FMN1: variants seen among roughly 807,000 people sequenced by gnomAD.
FMN1 encodes the protein formin 1, also known as formin-1.
Under a neutral mutation model 132.4 loss-of-function variants are expected in FMN1, and 110 were observed. The observed-to-expected ratio is 0.83, with a 90% CI of 0.71 to 0.97. FMN1 has a LOEUF of 0.97. Ranked by LOEUF, FMN1 falls within the 50% of genes least tolerant of loss-of-function variation. The pLI is 0.00. For synonymous variants in FMN1, 722 were observed against 651.7 expected, an observed-to-expected ratio of 1.11 and a Z score of -1.64; for missense variants, 1,792 against 1,705.3, an observed-to-expected ratio of 1.05 and a Z score of -0.90.
chr15:32,843,351 C>T (rs2058787758), intron 17 of FMN1, among the ~76,000 whole-genome samples: 1 of 152,190 alleles, frequency 6.6e-6, no homozygotes, highest in Non-Finnish European at 1.5e-5. Context: ...TCACATGAAG[C>T]TCAGACCAAT....
At chr15:32,810,480 C>T (rs2057835932) in intron 17 of FMN1, among the ~76,000 whole-genome samples, 2 of 152,178 alleles carry the variant, frequency 1.3e-5, no homozygotes, top group Admixed American at 6.5e-5. Flanking sequence ...AGCATTAACC[C>T]TCCAGTTTCG....
At chr15:32,964,335 C>A in intron 8 of FMN1, 78 bp from the exon 9 acceptor site, 1 of 1,029,152 alleles carries the variant, frequency 9.7e-7, no homozygotes, top group Non-Finnish European at 1.4e-6. Flanking sequence ...TTTCTCTAAT[C>A]CATTTTTTAA....
At position 33,038,954 on chromosome 15, in the gene FMN1, TGTGG is replaced by T. The variant is rs554013235; in HGVS notation, c.2161+25999_2161+26002del. 1.4e-3 allele frequency among the ~76,000 whole-genome samples: 217 copies of T among 152,312 alleles called. 2 individuals are homozygous for T. The highest frequency in any genetic ancestry group is 5.1e-3 in the African/African-American group (211 of 41,564). On this transcript the variant is annotated intron_variant, in intron 6 of 20. Transcript: ENST00000616417. The stretch of plus-strand genomic sequence containing the variant: ...GTAGCACCCTCCTATATACAAAATG[TGTGG>T]GTATCTTGTTAAAAAGGCAGATTCA...
intron 4 of FMN1, among the ~76,000 whole-genome samples, chr15:33,122,698 G>A (rs1962681018): frequency 6.6e-6 from 1 of 152,204 alleles, no homozygotes. Context: ...ATTGGCACAT[G>A]CTGGCCTATC....
intron 17 of FMN1, among the ~76,000 whole-genome samples, chr15:32,821,292 T>C (rs938113257): frequency 2.0e-5 from 3 of 152,048 alleles, no homozygotes; most frequent in African/African-American, 7.2e-5. Flanking sequence ...TTAATCCTCA[T>C]ATTTATTTTG....
intron 4 of FMN1, among the ~76,000 whole-genome samples, chr15:33,091,588 A>T (rs1263273350): frequency 7.9e-5 from 12 of 152,220 alleles, no homozygotes; most frequent in Admixed American, 7.9e-4. Context: ...AACTGAAATA[A>T]GTAACATAAA....
chr15:33,161,424 G>A (rs1488408788), intron 3 of FMN1, among the ~76,000 whole-genome samples: 1 of 152,124 alleles, frequency 6.6e-6, no homozygotes, highest in Non-Finnish European at 1.5e-5. Flanking sequence ...CTCTAATGAA[G>A]ACCACGCTCC....
At chr15:32,921,913 T>C (rs2060835233) in intron 10 of FMN1, among the ~76,000 whole-genome samples, 2 of 152,136 alleles carry the variant, frequency 1.3e-5, no homozygotes, top group African/African-American at 2.4e-5. Context: ...GCTCAAGCAA[T>C]CCACCTGCCT....
intron 4 of FMN1, among the ~76,000 whole-genome samples, chr15:33,104,636 T>C (rs942688854): frequency 1.3e-5 from 2 of 152,080 alleles, no homozygotes; most frequent in African/African-American, 2.4e-5. Flanking sequence ...CTAGGGAAGC[T>C]AGTAATACGT....
chr15:33,076,782 A>G (rs1239299091), intron 5 of FMN1, among the ~76,000 whole-genome samples: 4 of 152,318 alleles, frequency 2.6e-5, no homozygotes, highest in African/African-American at 9.6e-5. Context: ...GTATTTTATA[A>G]CAGTTTTCTT....
intron 7 of FMN1, among the ~76,000 whole-genome samples, chr15:32,971,202 C>T (rs1187159398): frequency 6.6e-6 from 1 of 152,168 alleles, no homozygotes; most frequent in Non-Finnish European, 1.5e-5. Flanking sequence ...AGGCATTATG[C>T]CTGGAACACA....
intron 4 of FMN1, among the ~76,000 whole-genome samples, chr15:33,119,408 G>A (rs1962338046): frequency 6.6e-6 from 1 of 152,208 alleles, no homozygotes; most frequent in Non-Finnish European, 1.5e-5. Flanking sequence ...AGCCTGGGAG[G>A]AAGGAGAATG....
At position 32,776,687 on chromosome 15, in the gene FMN1, C is replaced by CTTCTTT. The variant is rs760790135; in HGVS notation, c.4215+147_4215+148insAAAGAA. The CTTCTTT allele has an allele frequency of 4.2e-5, 19 of 454,322 alleles. No individual in the cohort carries two copies. In the African/African-American group the frequency reaches 4.2e-4, roughly 10 times the overall value. 28.1% of individuals were successfully genotyped at this position (454,322 alleles called of 1,614,324 possible). ...TGTTTTGTACCTCCACCCACACATA[C>CTTCTTT]TTTTTTTTTTTTTTTTTTAACCATA... On this transcript the variant is annotated intron_variant, in intron 20 of 20. Transcript: ENST00000616417.
At chr15:33,068,866 A>G (rs545812921) in intron 5 of FMN1, among the ~76,000 whole-genome samples, 1 of 152,136 alleles carries the variant, frequency 6.6e-6, no homozygotes, top group South Asian at 2.1e-4. Context: ...AGGAATGATT[A>G]CCCTCTACAC....
chr15:33,117,122 G>C (rs887612743), intron 4 of FMN1, among the ~76,000 whole-genome samples: 18 of 152,104 alleles, frequency 1.2e-4, no homozygotes, highest in Non-Finnish European at 1.9e-4. Flanking sequence ...CATAGTGAGA[G>C]CTTAAGAACA....
At chr15:32,879,431 T>C (rs2059711891) in intron 16 of FMN1, among the ~76,000 whole-genome samples, 1 of 152,222 alleles carries the variant, frequency 6.6e-6, no homozygotes, top group Non-Finnish European at 1.5e-5. Flanking sequence ...ATTCAAGTCA[T>C]GTCTTCTGGA....
chr15:33,110,361 T>C (rs1447361981), intron 4 of FMN1, among the ~76,000 whole-genome samples: 4 of 152,092 alleles, frequency 2.6e-5, no homozygotes, highest in African/African-American at 9.7e-5. Flanking sequence ...ACCAAAAGGT[T>C]ATGTATCAAG....
At chr15:32,971,428 C>T (rs1039781632) in intron 7 of FMN1, among the ~76,000 whole-genome samples, 5 of 152,156 alleles carry the variant, frequency 3.3e-5, no homozygotes, top group Non-Finnish European at 5.9e-5. Context: ...GTTCTACTAC[C>T]GATTACCTAA....
chr15:32,934,304 C>T (rs1046340915), intron 9 of FMN1, among the ~76,000 whole-genome samples: 9 of 151,994 alleles, frequency 5.9e-5, no homozygotes, highest in Admixed American at 2.0e-4. Flanking sequence ...TATCCATTAA[C>T]GTATTTTTAT....
Sources: allele counts gnomAD v4.1 joint callset (sites outside exome capture counted in the v4.1 genomes callset), GRCh38; gene constraint gnomAD v4.1.1; transcripts MANE v1.5; gene names NCBI Gene and HGNC (gene_info 2026-07-23, HGNC 2026-07-21).